DPPA2: variants seen among roughly 807,000 people sequenced by gnomAD.
The protein encoded by DPPA2 is developmental pluripotency associated 2.
DPPA2 carries 26 observed loss-of-function variants against 36.2 expected under a neutral mutation model. The observed-to-expected ratio is 0.72, with a 90% CI of 0.53 to 1.00. DPPA2 has a LOEUF of 1.00. Among genes scored for constraint, DPPA2 ranks in the 50% least tolerant of loss-of-function variants. The pLI is 0.00. For synonymous variants in DPPA2, 113 were observed against 123.2 expected (o/e 0.92, Z 0.55); for missense variants, 361 against 365.1 (o/e 0.99, Z 0.09).
intron 8 of DPPA2, among the ~76,000 whole-genome samples, chr3:109,299,060 T>C (rs963499265): frequency 2.0e-5 from 3 of 148,256 alleles, no homozygotes; most frequent in African/African-American, 7.5e-5. Flanking sequence ...ATAAACAAAT[T>C]TTTAAGAAAG....
chr3:109,302,384 T>C (rs2107307094), intron 7 of DPPA2, among the ~76,000 whole-genome samples: 1 of 152,332 alleles, frequency 6.6e-6, no homozygotes, highest in African/African-American at 2.4e-5. Flanking sequence ...GTCAGTGTAA[T>C]GAATTATCTC....
In DPPA2 at chr3:109,304,674, G is replaced by A. The variant is rs768225251; in HGVS notation, c.659-4C>T. 1.5e-5 allele frequency: 23 copies of A among 1,577,654 alleles called. No homozygotes were observed. The highest frequency in any genetic ancestry group is 2.0e-5 in the Non-Finnish European group (23 of 1,164,350). ...TGGACCACACACCACCTGACGCCTG[G>A]AAAGGAAAAACAAATATAGACAGCA... On this transcript the variant is annotated splice_polypyrimidine_tract_variant and splice_region_variant and intron_variant, in intron 6 of 8. Transcript: ENST00000478945.
chr3:109,298,306 G>A (rs1707388480), intron 8 of DPPA2, among the ~76,000 whole-genome samples: 1 of 152,196 alleles, frequency 6.6e-6, no homozygotes, highest in African/African-American at 2.4e-5. Flanking sequence ...TATCTGCTCG[G>A]TGTAGAGGCT....
chr3:109,302,224 A>G (rs1338172330), intron 7 of DPPA2, among the ~76,000 whole-genome samples: 6 of 152,110 alleles, frequency 3.9e-5, no homozygotes, highest in African/African-American at 1.4e-4. Flanking sequence ...GCTCTAACTC[A>G]TACTTCTCTC....
At position 109,312,544 on chromosome 3, in the gene DPPA2, C is replaced by G; in HGVS notation, c.181+1G>C. ...TAACTGAGCAATCCCTGTCCTCATACCTGGATTGTATTTCTTAGGCTTCTC... is the reference window on the plus strand; with the variant it reads ...TAACTGAGCAATCCCTGTCCTCATAGCTGGATTGTATTTCTTAGGCTTCTC... On this transcript the variant is annotated splice_donor_variant, in intron 3 of 8. Transcript: ENST00000478945. LOFTEE classifies it high-confidence loss of function. 6.2e-7 allele frequency: 1 copy of G among 1,612,260 alleles called. No homozygotes were observed. The highest frequency in any genetic ancestry group is 1.3e-5 in the African/African-American group (1 of 75,018).
At chr3:109,297,593 T>C (rs960750240) in intron 8 of DPPA2, among the ~76,000 whole-genome samples, 1 of 150,272 alleles carries the variant, frequency 6.7e-6, no homozygotes, top group South Asian at 2.1e-4. Context: ...ATCCAAACAA[T>C]ACGAAATACT....
Position 109,312,641 on chromosome 3 carries a change from C to T in DPPA2, c.85G>A (p.Val29Met). ...DDEESVILTL[V>M]PVKDDANMEQ... Reference sequence around the variant, plus strand: ...ATATTTGCGTCATCTTTAACTGGCACCAGTGTCAAAATCACACTTTCCTCA... The same window carrying T: ...ATATTTGCGTCATCTTTAACTGGCATCAGTGTCAAAATCACACTTTCCTCA... Residue 29 changes from valine to methionine, a missense_variant, in exon 3 of 9, where the codon GTG (valine) becomes ATG (methionine). By Grantham distance (21) the Val-to-Met change is conservative. Coordinates refer to ENST00000478945, the MANE Select transcript of DPPA2 (RefSeq NM_138815.4). The T allele has an allele frequency of 6.2e-7, 1 of 1,613,940 alleles. No homozygotes were observed. Among genetic ancestry groups the T allele is most frequent in the Non-Finnish European group, 8.5e-7 (1 of 1,179,906 alleles).
chr3:109,310,266 G>A (rs1707678230), intron 3 of DPPA2, among the ~76,000 whole-genome samples: 1 of 149,380 alleles, frequency 6.7e-6, no homozygotes. Context: ...CCTGGGCATG[G>A]GGGTGCACAC....
chr3:109,301,334 T>C (rs541145603), intron 7 of DPPA2, among the ~76,000 whole-genome samples: 3 of 151,952 alleles, frequency 2.0e-5, no homozygotes, highest in African/African-American at 4.8e-5. Flanking sequence ...TCCCCATTCA[T>C]AAATGCTTAT....
At chr3:109,312,131 C>T (rs1035419096) in intron 3 of DPPA2, among the ~76,000 whole-genome samples, 18 of 151,986 alleles carry the variant, frequency 1.2e-4, no homozygotes, top group Admixed American at 9.2e-4. Context: ...GTCAGGAGTT[C>T]GAGACCAGCC....
At chr3:109,301,583 C>T (rs983721826) in intron 7 of DPPA2, among the ~76,000 whole-genome samples, 9 of 151,750 alleles carry the variant, frequency 5.9e-5, no homozygotes, top group African/African-American at 2.2e-4. Context: ...ACCTGGGAGG[C>T]AGAGGTTGCA....
At chr3:109,311,350 T>C (rs1459424043) in intron 3 of DPPA2, among the ~76,000 whole-genome samples, 1 of 152,162 alleles carries the variant, frequency 6.6e-6, no homozygotes, top group African/African-American at 2.4e-5. Flanking sequence ...TCTCTACAGC[T>C]CCCCATTTCA....
rs1385303884 is a variant in DPPA2 at position 109,293,904 on chromosome 3, T to A, written c.*123A>T. The stretch of plus-strand genomic sequence containing the variant: ...CTTCACTGTGGAGTCCTAGTCACTA[T>A]GATTTTGTTTTGTAGATCATGAGGA... On this transcript the variant is annotated 3_prime_UTR_variant, in exon 9 of 9. Transcript: ENST00000478945. The A allele has an allele frequency of 6.6e-6, 1 of 152,222 alleles. No homozygotes were observed. Among genetic ancestry groups the A allele is most frequent in the Non-Finnish European group, 1.5e-5 (1 of 68,036 alleles). The allele number at this position is 152,222 out of a possible 1,614,324, so 9.4% of individuals were successfully genotyped here.
At chr3:109,314,832 G>C (rs769660383) in intron 1 of DPPA2, among the ~76,000 whole-genome samples, 17 of 152,292 alleles carry the variant, frequency 1.1e-4, no homozygotes, top group Middle Eastern at 3.4e-3. Flanking sequence ...GGAGGCCCAG[G>C]GGGGGCGGAT....
intron 1 of DPPA2, among the ~76,000 whole-genome samples, chr3:109,314,832 G>A (rs769660383): frequency 6.6e-6 from 1 of 152,174 alleles, no homozygotes; most frequent in African/African-American, 2.4e-5. Context: ...GGAGGCCCAG[G>A]GGGGGCGGAT....
At chr3:109,309,458 T>A (rs896347275) in intron 3 of DPPA2, 128 bp from the exon 4 acceptor site, 15 of 910,208 alleles carry the variant, frequency 1.6e-5, no homozygotes, top group Non-Finnish European at 2.1e-5. Flanking sequence ...GAGGCCGAGG[T>A]AGGCAGATCA....
intron 8 of DPPA2, among the ~76,000 whole-genome samples, chr3:109,300,033 T>A (rs1304321187): frequency 1.3e-5 from 2 of 152,054 alleles, no homozygotes; most frequent in African/African-American, 4.8e-5. Context: ...CCTATACTTT[T>A]CACTCAAGTT....
At chr3:109,299,435 G>A (rs80326714) in intron 8 of DPPA2, among the ~76,000 whole-genome samples, 9,021 of 151,614 alleles carry the variant, frequency 0.059, 345 homozygotes, top group Non-Finnish European at 0.088. Flanking sequence ...GCTTGAACCC[G>A]GGAGGTGGGA....
At chr3:109,314,394 G>T in intron 2 of DPPA2, 116 bp downstream of exon 2, 3 of 1,066,364 alleles carry the variant, frequency 2.8e-6, no homozygotes, top group Non-Finnish European at 3.9e-6. Flanking sequence ...GTTTCAAGAT[G>T]GAGATTTCTT....
Sources: allele counts gnomAD v4.1 joint callset (sites outside exome capture counted in the v4.1 genomes callset), GRCh38; gene constraint gnomAD v4.1.1; transcripts MANE v1.5; gene names NCBI Gene and HGNC (gene_info 2026-07-23, HGNC 2026-07-21).